PIK3C2A: variants seen among roughly 807,000 people sequenced by gnomAD.
PIK3C2A encodes phosphatidylinositol-4-phosphate 3-kinase catalytic subunit type 2 alpha.
Under a neutral mutation model 204.5 loss-of-function variants are expected in PIK3C2A, and 97 were observed. The ratio of observed to expected loss-of-function variants is 0.47; its 90% CI spans 0.40 to 0.56. PIK3C2A has a LOEUF of 0.56. Among genes scored for constraint, PIK3C2A ranks in the 20% least tolerant of loss-of-function variants. The pLI, the probability that PIK3C2A is intolerant of heterozygous loss-of-function variation, is 0.00. For synonymous variants in PIK3C2A, 653 were observed against 664.4 expected (o/e 0.98, Z 0.26); for missense variants, 1,735 against 1,969.2 (o/e 0.88, Z 2.25).
chr11:17,126,108 A>T (rs762948663), intron 13 of PIK3C2A, among the ~76,000 whole-genome samples: 1 of 152,192 alleles, frequency 6.6e-6, no homozygotes, highest in Non-Finnish European at 1.5e-5. Flanking sequence ...TGAGTGACAG[A>T]GTGAGACTCT....
chr11:17,132,103 A>T, intron 11 of PIK3C2A, 65 bp from the exon 12 acceptor site: 2 of 929,274 alleles, frequency 2.2e-6, no homozygotes, highest in Non-Finnish European at 1.6e-6. Context: ...TAATACAAAT[A>T]CATTAGCAGT....
intron 25 of PIK3C2A, among the ~76,000 whole-genome samples, chr11:17,100,936 A>C (rs900853517): frequency 1.8e-4 from 28 of 152,206 alleles, no homozygotes; most frequent in African/African-American, 6.8e-4. Context: ...TTCATTGTAC[A>C]GCTGAGTGAA....
rs190395528 is a variant in PIK3C2A, at chr11:17,205,098, A to G, written c.-66+2750T>C. Reference sequence around the variant, plus strand: ...AGGCTGAGGCAGGAGGATTGCTTGAACCCAGAAGGCAAAAGTTTCAGTGAG... The same window carrying G: ...AGGCTGAGGCAGGAGGATTGCTTGAGCCCAGAAGGCAAAAGTTTCAGTGAG... On this transcript the variant is annotated intron_variant, in intron 1 of 32. Transcript: ENST00000691414. Among the ~76,000 whole-genome samples, 164 of 151,762 alleles carry G rather than the reference A, an allele frequency of 1.1e-3. 2 individuals are homozygous for G. Among genetic ancestry groups the G allele is most frequent in the African/African-American group, 3.5e-3 (143 of 41,350 alleles).
At chr11:17,128,994 T>A (rs534614782) in intron 13 of PIK3C2A, among the ~76,000 whole-genome samples, 1 of 152,314 alleles carries the variant, frequency 6.6e-6, no homozygotes, top group South Asian at 2.1e-4. Context: ...CTTACAAGAC[T>A]GTGGTATTAT....
chr11:17,117,404 A>G, intron 19 of PIK3C2A, 87 bp downstream of exon 19: 2 of 864,616 alleles, frequency 2.3e-6, no homozygotes, highest in Non-Finnish European at 1.8e-6. Context: ...GAGTCTACCA[A>G]TAAAGAATAG....
intron 8 of PIK3C2A, among the ~76,000 whole-genome samples, chr11:17,142,392 C>T (rs1249371159): frequency 2.6e-5 from 4 of 151,972 alleles, no homozygotes; most frequent in African/African-American, 9.7e-5. Context: ...AGGAAGAAGC[C>T]ACAAGTAAGA....
intron 27 of PIK3C2A, among the ~76,000 whole-genome samples, chr11:17,095,702 G>C (rs1051102671): frequency 6.6e-6 from 1 of 151,852 alleles, no homozygotes; most frequent in African/African-American, 2.4e-5. Context: ...TTGGGGCCAG[G>C]AATTCGCCTG....
chr11:17,142,473 A>G (rs2137413294), intron 8 of PIK3C2A, among the ~76,000 whole-genome samples: 1 of 152,340 alleles, frequency 6.6e-6, no homozygotes, highest in Admixed American at 6.5e-5. Flanking sequence ...AAGTATTTCA[A>G]AAAGAAAGAC....
chr11:17,144,967 T>A lies in PIK3C2A; in HGVS notation c.1704+701A>T, dbSNP rs537159576. On this transcript the variant is annotated intron_variant, in intron 8 of 32. Coordinates refer to ENST00000691414, the MANE Select transcript of PIK3C2A (RefSeq NM_002645.4). ...TGCCCTATTGGATTTTGGACTTGCA[T>A]GGGGCCTGTAGCCCCTTTGTTTTGG... is the stretch of plus-strand genomic sequence containing the variant. 4.0e-5 allele frequency among the ~76,000 whole-genome samples: 6 copies of A among 150,426 alleles called. No individual in the cohort carries two copies. The South Asian group carries it at 1.3e-3, about 32-fold the overall frequency.
intron 1 of PIK3C2A, among the ~76,000 whole-genome samples, chr11:17,202,951 TGTTA>T (rs1852440710): frequency 6.6e-6 from 1 of 152,202 alleles, no homozygotes; most frequent in East Asian, 1.9e-4. Context: ...ACAGTAAGCA[TGTTA>T]ATTATACACT....
At chr11:17,186,359 TC>T (rs1555037244) in intron 1 of PIK3C2A, among the ~76,000 whole-genome samples, 2 of 152,080 alleles carry the variant, frequency 1.3e-5, no homozygotes, top group Non-Finnish European at 2.9e-5. Flanking sequence ...TGCCTGCATT[TC>T]CCCCTCTAGG....
chr11:17,158,206 G>C (rs926008561), intron 2 of PIK3C2A, among the ~76,000 whole-genome samples: 3 of 151,744 alleles, frequency 2.0e-5, no homozygotes, highest in African/African-American at 7.3e-5. Flanking sequence ...AAATTAGCCG[G>C]GCGTGGTGGT....
chr11:17,093,413 C>T (rs568906752), intron 28 of PIK3C2A, among the ~76,000 whole-genome samples: 110 of 152,178 alleles, frequency 7.2e-4, no homozygotes, highest in African/African-American at 2.3e-3. Flanking sequence ...ACTACAGGCG[C>T]CTGCCACCAT....
intron 22 of PIK3C2A, among the ~76,000 whole-genome samples, 153 bp downstream of exon 22, chr11:17,110,279 A>G (rs1848956196): frequency 6.6e-6 from 1 of 152,182 alleles, no homozygotes; most frequent in Admixed American, 6.5e-5. Context: ...AAGAGACTTA[A>G]TTATGAGCAA....
intron 11 of PIK3C2A, among the ~76,000 whole-genome samples, chr11:17,133,471 CTTTTAAGTCACTAAATTATTATAT>C: frequency 6.6e-6 from 1 of 152,224 alleles, no homozygotes; most frequent in Non-Finnish European, 1.5e-5. Flanking sequence ...TAAAACATCA[CTTTTAAGTCACTAAATTATTATAT>C]TTTAATCTAA....
intron 1 of PIK3C2A, among the ~76,000 whole-genome samples, chr11:17,197,276 TC>T (rs1341958091): frequency 2.6e-5 from 4 of 152,112 alleles, no homozygotes; most frequent in Non-Finnish European, 5.9e-5. Flanking sequence ...CACCTCAGCT[TC>T]CCAAAGTGCT....
At chr11:17,186,114 C>T (rs1455923487) in intron 1 of PIK3C2A, among the ~76,000 whole-genome samples, 1 of 152,156 alleles carries the variant, frequency 6.6e-6, no homozygotes, top group Non-Finnish European at 1.5e-5. Flanking sequence ...CAACTCAGGG[C>T]CTCTGCTCTT....
chr11:17,164,353 TAAAAA>T (rs371924444), intron 2 of PIK3C2A, among the ~76,000 whole-genome samples: 1 of 134,864 alleles, frequency 7.4e-6, no homozygotes. Context: ...GACCCTGTCT[TAAAAA>T]AAAAAAAAAA....
intron 26 of PIK3C2A, among the ~76,000 whole-genome samples, chr11:17,099,649 G>A (rs7123825): frequency 0.12 from 18,940 of 152,058 alleles, 2,612 homozygotes; most frequent in East Asian, 0.43. Context: ...GATATTTTGA[G>A]GCAAATAAGT....
Sources: gnomAD v4.1 joint callset for allele counts (sites outside exome capture counted in the v4.1 genomes callset) on GRCh38, gnomAD v4.1.1 for gene constraint, MANE v1.5 for transcripts, NCBI Gene and HGNC (gene_info 2026-07-23, HGNC 2026-07-21) for gene names.